Variants in ERAP1 observed in about 807,000 individuals in gnomAD.
ERAP1 encodes endoplasmic reticulum aminopeptidase 1, also known as adipocyte-derived leucine aminopeptidase.
In ERAP1, 86 loss-of-function variants were observed where a neutral mutation model predicts 103.7. The observed-to-expected ratio is 0.83, with a 90% CI of 0.70 to 0.99. ERAP1 has a LOEUF of 0.99. Among genes scored for constraint, ERAP1 ranks in the 50% least tolerant of loss-of-function variants. The pLI, the probability that ERAP1 is intolerant of heterozygous loss-of-function variation, is 0.00. For missense variants in ERAP1, 1,009 were observed against 1,128.4 expected (o/e 0.89, Z 1.52); for synonymous variants, 398 against 402.4 (o/e 0.99, Z 0.13).
chr5:96,929,411 T>C, the ERAP1 span, among the ~76,000 whole-genome samples: 89 of 152,184 alleles, frequency 5.8e-4, no homozygotes, highest in African/African-American at 2.0e-3. Context: ...TTCTTTCTCC[T>C]TCCTTCCTTC....
exon 20 of ERAP1, chr5:96,762,420 A>G (rs772104374): frequency 1.2e-5 from 17 of 1,363,618 alleles, no homozygotes; most frequent in Middle Eastern, 3.7e-4. Flanking sequence ...GCGCAGCCAC[A>G]ACTAGAAAGA....
At chr5:96,762,970 CT>C (rs1157934100) in exon 20 of ERAP1, 1 of 582,828 alleles carries the variant, frequency 1.7e-6, no homozygotes, top group Admixed American at 2.8e-5. Context: ...TCCAGACTTC[CT>C]TGACTAATCA....
At chr5:96,784,506 T>C (rs1182070906) in intron 13 of ERAP1, among the ~76,000 whole-genome samples, 1 of 152,042 alleles carries the variant, frequency 6.6e-6, no homozygotes, top group Non-Finnish European at 1.5e-5. Flanking sequence ...AACAAACAGA[T>C]AGATAACTAC....
At chr5:96,923,433 G>A in the ERAP1 span, among the ~76,000 whole-genome samples, 788 of 152,274 alleles carry the variant, frequency 5.2e-3, 6 homozygotes, top group Non-Finnish European at 8.7e-3. Flanking sequence ...AGTGGCTGAC[G>A]CCTGTAATCT....
At chr5:96,907,352 AG>A in the ERAP1 span, among the ~76,000 whole-genome samples, 1 of 152,228 alleles carries the variant, frequency 6.6e-6, no homozygotes, top group African/African-American at 2.4e-5. Context: ...CAACTATAAA[AG>A]TAAGTATTTT....
the ERAP1 span, chr5:96,912,670 T>C: frequency 6.2e-7 from 1 of 1,611,164 alleles, no homozygotes; most frequent in Admixed American, 1.7e-5. Context: ...TTGTGTATTC[T>C]GTGGGTGCTC....
upstream of ERAP1, among the ~76,000 whole-genome samples, chr5:96,813,062 A>T (rs1189353129): frequency 6.6e-6 from 1 of 152,176 alleles, no homozygotes; most frequent in Admixed American, 6.5e-5. Context: ...AAGAGACATT[A>T]TCTTACCCCT....
At chr5:96,875,816 T>C in the ERAP1 span, 1,515 of 152,218 alleles carry the variant, frequency 1.0e-2, 12 homozygotes, top group Non-Finnish European at 0.018. Context: ...ATGGGAGCAA[T>C]GTGGGATGAA....
chr5:96,850,435 C>T, the ERAP1 span, among the ~76,000 whole-genome samples: 7,273 of 152,154 alleles, frequency 0.048, 215 homozygotes, highest in South Asian at 0.11. Context: ...AAAAAACCTG[C>T]ATAGACATTT....
chr5:96,913,512 C>T, the ERAP1 span: 3 of 1,583,330 alleles, frequency 1.9e-6, no homozygotes, highest in Non-Finnish European at 2.6e-6. Context: ...TCTCAGTTGC[C>T]TCAAACCAAG....
chr5:96,804,280 C>G (rs1030302478), intron 1 of ERAP1: 7 of 365,386 alleles, frequency 1.9e-5, no homozygotes, highest in Non-Finnish European at 2.6e-5. Context: ...TCCTGAGTGG[C>G]TCACTACACG....
At chr5:96,841,161 A>G in the ERAP1 span, among the ~76,000 whole-genome samples, 1 of 152,166 alleles carries the variant, frequency 6.6e-6, no homozygotes. Context: ...TACTTGCTTA[A>G]CCCTGGTTAA....
the ERAP1 span, chr5:96,883,937 C>T: frequency 6.4e-7 from 1 of 1,565,182 alleles, no homozygotes; most frequent in South Asian, 1.2e-5. Context: ...AAAGGTATGT[C>T]CACTTCCAGA....
the ERAP1 span, among the ~76,000 whole-genome samples, chr5:96,854,183 G>T: frequency 6.6e-6 from 1 of 152,134 alleles, no homozygotes; most frequent in Non-Finnish European, 1.5e-5. Context: ...ATGGATAATA[G>T]TATCAACCTC....
the ERAP1 span, among the ~76,000 whole-genome samples, chr5:96,815,102 G>T: frequency 6.6e-6 from 1 of 152,190 alleles, no homozygotes; most frequent in South Asian, 2.1e-4. Context: ...AAGAGACCAA[G>T]ACTGAGTGGT....
the ERAP1 span, among the ~76,000 whole-genome samples, chr5:96,841,538 A>C: frequency 9.9e-5 from 15 of 151,196 alleles, no homozygotes; most frequent in African/African-American, 2.7e-4. Flanking sequence ...TGGCACCACC[A>C]CCCCCCCACA....
At chr5:96,808,261 T>TGTGTGTGTGTG (rs1387638650), upstream of ERAP1, 240 of 837,582 alleles carry the variant, frequency 2.9e-4, no homozygotes, top group East Asian at 2.8e-3. Context: ...TGTGTGTGTG[T>TGTGTGTGTGTG]TGAGATGCTT....
intron 16 of ERAP1, 128 bp downstream of exon 16, chr5:96,781,565 G>T: frequency 8.3e-7 from 1 of 1,208,216 alleles, no homozygotes; most frequent in Non-Finnish European, 1.2e-6. Flanking sequence ...TTAGATGTGT[G>T]CTGACTTGCA....
At chr5:96,856,690 A>G in the ERAP1 span, among the ~76,000 whole-genome samples, 2 of 152,012 alleles carry the variant, frequency 1.3e-5, no homozygotes, top group East Asian at 3.8e-4. Flanking sequence ...TAGATCCCTG[A>G]CTGGCCCCTG....
Sources: gnomAD v4.1 joint callset for allele counts (sites outside exome capture counted in the v4.1 genomes callset) on GRCh38, gnomAD v4.1.1 for gene constraint, MANE v1.5 for transcripts, NCBI Gene and HGNC (gene_info 2026-07-23, HGNC 2026-07-21) for gene names.